The following WWOX variants were observed in gnomAD, a reference collection of about 807,000 sequenced individuals.
WWOX encodes the protein WW domain-containing oxidoreductase.
Under a neutral mutation model 46.2 loss-of-function variants are expected in WWOX, and 69 were observed. The ratio of observed to expected loss-of-function variants is 1.49; its 90% CI spans 1.23 to 1.82. The LOEUF is 1.82. WWOX is among the 40% of genes most tolerant of loss of function. The pLI, the probability that WWOX is intolerant of heterozygous loss-of-function variation, is 0.00. For synonymous variants in WWOX, 359 were observed against 202.6 expected, an observed-to-expected ratio of 1.77 and a Z score of -6.56; for missense variants, 919 against 542.6, an observed-to-expected ratio of 1.69 and a Z score of -6.89.
intron 8 of WWOX, among the ~76,000 whole-genome samples, chr16:78,611,122 T>C (rs62037152): frequency 0.11 from 16,006 of 152,198 alleles, 1,058 homozygotes; most frequent in South Asian, 0.13. Flanking sequence ...TGACAAGTTG[T>C]TCATCATTTA....
intron 5 of WWOX, among the ~76,000 whole-genome samples, chr16:78,371,932 G>C (rs971841773): frequency 6.6e-6 from 1 of 152,138 alleles, no homozygotes; most frequent in South Asian, 2.1e-4. Context: ...TTTATTTCCA[G>C]CTTATGTAAC....
rs770463813 is a variant in WWOX at position 79,045,780 on chromosome 16, C to CTTTTTTTTTTT, written c.1057-165799_1057-165789dup. On this transcript the variant is annotated intron_variant, in intron 8 of 8. Transcript: ENST00000566780. Reference sequence around the variant, plus strand: ...AGCTCGTCTTTCCTTTTTTCTTTTCCTTTTTTTTTTTTTTTTTTTTTTTTT... The same window carrying CTTTTTTTTTTT: ...AGCTCGTCTTTCCTTTTTTCTTTTCCTTTTTTTTTTTTTTTTTTTTTTTTTTTTTTTTTTTT... Among the ~76,000 whole-genome samples, 63 of 54,230 alleles carry CTTTTTTTTTTT rather than the reference C, an allele frequency of 1.2e-3. 9 individuals carry two copies. Among genetic ancestry groups the CTTTTTTTTTTT allele is most frequent in the Non-Finnish European group, 2.1e-3 (53 of 25,356 alleles). The allele number at this position is 54,230 out of a possible 152,430, so 35.6% of individuals were successfully genotyped here.
At chr16:79,029,966 G>A (rs1045721846) in intron 8 of WWOX, among the ~76,000 whole-genome samples, 7 of 152,160 alleles carry the variant, frequency 4.6e-5, no homozygotes, top group African/African-American at 1.7e-4. Context: ...ATTTCTTGAT[G>A]ATCCTGGTGG....
chr16:79,134,759 G>C (rs1296952311), intron 8 of WWOX, among the ~76,000 whole-genome samples: 4 of 152,186 alleles, frequency 2.6e-5, no homozygotes, highest in Admixed American at 6.5e-5. Context: ...ACAGTACTTA[G>C]CCAGGGGATT....
intron 8 of WWOX, among the ~76,000 whole-genome samples, chr16:79,043,217 G>A (rs974617526): frequency 1.3e-5 from 2 of 152,232 alleles, no homozygotes; most frequent in South Asian, 2.1e-4. Context: ...AAAAATCTAT[G>A]TATAACTTGT....
chr16:78,709,412 C>T (rs1487694365), intron 8 of WWOX, among the ~76,000 whole-genome samples: 2 of 152,116 alleles, frequency 1.3e-5, no homozygotes, highest in African/African-American at 4.8e-5. Context: ...GGTAGCGGGC[C>T]CAGCCTGTTG....
intron 8 of WWOX, among the ~76,000 whole-genome samples, chr16:78,806,688 G>T (rs2051046553): frequency 6.6e-6 from 1 of 152,058 alleles, no homozygotes; most frequent in Non-Finnish European, 1.5e-5. Context: ...TGCCTTTTAT[G>T]GCCTTCCATA....
chr16:78,714,213 C>G lies in WWOX; in HGVS notation c.1056+281461C>G, dbSNP rs112927095. ...TCTATTCTCACACTGCTAGTGAAGA[C>G]ATACCTGAGATGGGGTAATTTGTAA... On this transcript the variant is annotated intron_variant, in intron 8 of 8. Coordinates refer to ENST00000566780, the MANE Select transcript of WWOX (RefSeq NM_016373.4). Among the ~76,000 whole-genome samples the G allele has an allele frequency of 6.5e-4, 99 of 152,236 alleles. 1 individual carries two copies. The East Asian group carries it at 0.011, about 16-fold the overall frequency.
At chr16:78,720,937 C>A (rs1196868635) in intron 8 of WWOX, among the ~76,000 whole-genome samples, 1 of 152,164 alleles carries the variant, frequency 6.6e-6, no homozygotes, top group Admixed American at 6.6e-5. Context: ...ACCAAGAGCA[C>A]TTCTCCATCA....
chr16:79,033,299 T>C (rs549662065), intron 8 of WWOX, among the ~76,000 whole-genome samples: 1 of 148,278 alleles, frequency 6.7e-6, no homozygotes, highest in Non-Finnish European at 1.5e-5. Flanking sequence ...TATACACACA[T>C]ATGTATATAT....
At chr16:79,001,174 C>T (rs1395416785) in intron 8 of WWOX, among the ~76,000 whole-genome samples, 1 of 152,170 alleles carries the variant, frequency 6.6e-6, no homozygotes, top group Admixed American at 6.5e-5. Context: ...GCTGAATGCA[C>T]TTTTGAATAA....
At chr16:78,797,863 C>T (rs143104376) in intron 8 of WWOX, among the ~76,000 whole-genome samples, 35 of 152,308 alleles carry the variant, frequency 2.3e-4, no homozygotes, top group African/African-American at 7.9e-4. Flanking sequence ...TGGCGCGTGC[C>T]TGTAGTCCTA....
At chr16:79,069,862 G>A (rs889187009) in intron 8 of WWOX, among the ~76,000 whole-genome samples, 11 of 152,016 alleles carry the variant, frequency 7.2e-5, no homozygotes, top group Non-Finnish European at 1.2e-4. Flanking sequence ...ACCAACTTTG[G>A]CCCAAATTGA....
At position 79,068,067 on chromosome 16, in the gene WWOX, T is replaced by C. The variant is rs184368613; in HGVS notation, c.1057-143541T>C. On this transcript the variant is annotated intron_variant, in intron 8 of 8. Transcript: ENST00000566780. ...TCAGTCTTTGGGGCTATTAGCTGCA[T>C]GTACAAGTGCACAGGGGATGGGAGG... is the stretch of plus-strand genomic sequence containing the variant. Among the ~76,000 whole-genome samples, 17 of 152,326 alleles carry C rather than the reference T, an allele frequency of 1.1e-4. No individual in the cohort carries two copies. In the East Asian group the frequency reaches 3.3e-3, roughly 29 times the overall value.
At chr16:79,157,023 A>C (rs765217750) in intron 8 of WWOX, among the ~76,000 whole-genome samples, 1 of 152,238 alleles carries the variant, frequency 6.6e-6, no homozygotes, top group Non-Finnish European at 1.5e-5. Flanking sequence ...CACAGGGCAC[A>C]TGGTAAAATG....
intron 8 of WWOX, among the ~76,000 whole-genome samples, chr16:78,992,890 A>G (rs917483386): frequency 5.3e-5 from 8 of 151,998 alleles, no homozygotes; most frequent in African/African-American, 1.2e-4. Flanking sequence ...CAAATTTCCA[A>G]TTTTTTAGTT....
intron 8 of WWOX, among the ~76,000 whole-genome samples, chr16:79,207,057 A>G (rs1335684010): frequency 6.6e-6 from 1 of 152,158 alleles, no homozygotes; most frequent in Non-Finnish European, 1.5e-5. Flanking sequence ...GAGAGTGGTT[A>G]TAGCCTCTCC....
intron 8 of WWOX, among the ~76,000 whole-genome samples, chr16:78,509,190 G>C (rs2085294890): frequency 6.6e-6 from 1 of 152,222 alleles, no homozygotes; most frequent in African/African-American, 2.4e-5. Context: ...TGTAATCCCA[G>C]CCCTTTGGGA....
chr16:78,808,951 C>T (rs748692135), intron 8 of WWOX, among the ~76,000 whole-genome samples: 8 of 152,064 alleles, frequency 5.3e-5, no homozygotes, highest in South Asian at 4.1e-4. Flanking sequence ...AAATGTCATG[C>T]GCTTGATCTA....
Sources: allele counts gnomAD v4.1 joint callset (sites outside exome capture counted in the v4.1 genomes callset), GRCh38; gene constraint gnomAD v4.1.1; transcripts MANE v1.5; gene names NCBI Gene and HGNC (gene_info 2026-07-23, HGNC 2026-07-21).